Variants in USP37 observed in about 807,000 individuals in gnomAD.
USP37 encodes the protein ubiquitin specific peptidase 37.
A neutral mutation model predicts 124.0 loss-of-function variants in USP37; 27 were observed. The observed-to-expected ratio is 0.22, with a 90% CI of 0.16 to 0.30. USP37 has a LOEUF of 0.30. Ranked by LOEUF, USP37 falls within the 10% of genes least tolerant of loss-of-function variation. The pLI is 1.00. For synonymous variants in USP37, 365 were observed against 388.0 expected (o/e 0.94, Z 0.70); for missense variants, 889 against 1,140.4 (o/e 0.78, Z 3.17).
At chr2:218,519,978 C>T (rs1195169903) in intron 10 of USP37, among the ~76,000 whole-genome samples, 1 of 152,114 alleles carries the variant, frequency 6.6e-6, no homozygotes, top group African/African-American at 2.4e-5. Flanking sequence ...TGCTCTGTCA[C>T]CCATGCTGGA....
intron 9 of USP37, among the ~76,000 whole-genome samples, chr2:218,532,286 T>C: frequency 6.6e-6 from 1 of 151,246 alleles, no homozygotes; most frequent in Non-Finnish European, 1.5e-5. Flanking sequence ...GCCAATATGG[T>C]GAAACCCCAT....
intron 21 of USP37, among the ~76,000 whole-genome samples, chr2:218,465,509 G>A (rs1448625045): frequency 6.6e-6 from 1 of 152,170 alleles, no homozygotes; most frequent in East Asian, 1.9e-4. Context: ...AGCAAGCAAT[G>A]AATTATAGTT....
intron 4 of USP37, among the ~76,000 whole-genome samples, chr2:218,555,826 G>T (rs777802248): frequency 2.0e-5 from 3 of 151,932 alleles, no homozygotes; most frequent in Non-Finnish European, 4.4e-5. Flanking sequence ...CCTCTGCTCC[G>T]TATCATGGAA....
chr2:218,476,682 C>T (rs1014518294), intron 19 of USP37, among the ~76,000 whole-genome samples, 158 bp downstream of exon 19: 2 of 152,170 alleles, frequency 1.3e-5, no homozygotes, highest in African/African-American at 4.8e-5. Context: ...ACGAATTTCT[C>T]GTAAGTCTTG....
At chr2:218,455,179 C>T (rs1200815671) in intron 25 of USP37, among the ~76,000 whole-genome samples, 162 bp from the exon 26 acceptor site, 1 of 152,144 alleles carries the variant, frequency 6.6e-6, no homozygotes, top group Non-Finnish European at 1.5e-5. Context: ...TTGATCTTAA[C>T]CCTTTGAATG....
chr2:218,482,055 C>T lies in USP37; in HGVS notation c.1835+15G>A, dbSNP rs1444712637. 1 of 1,584,296 alleles carries T rather than the reference C, an allele frequency of 6.3e-7. No individual in the cohort carries two copies. Among genetic ancestry groups the T allele is most frequent in the East Asian group, 2.3e-5 (1 of 44,320 alleles). On this transcript the variant is annotated intron_variant, in intron 17 of 25. Transcript: ENST00000258399. The stretch of plus-strand genomic sequence containing the variant: ...TCAAAAGGGAATATAAAGACATAGT[C>T]TCTCAAGGACTTACATTGCCATATG...
In USP37 at chr2:218,452,159, T is replaced by A. The variant is rs991411167; in HGVS notation, c.*2771A>T. On this transcript the variant is annotated 3_prime_UTR_variant, in exon 26 of 26. Coordinates refer to ENST00000258399, the MANE Select transcript of USP37 (RefSeq NM_020935.3). ...TTCCAACAAAGATCAAAAGGTTGTA[T>A]CTAGAACTAATTGCCATCAAGTTCC... The A allele has an allele frequency of 1.3e-5, 2 of 152,318 alleles. No individual in the cohort carries two copies. The highest frequency in any genetic ancestry group is 4.1e-4 in the South Asian group (2 of 4,826). 9.4% of individuals were successfully genotyped at this position (152,318 alleles called of 1,614,324 possible).
At chr2:218,465,089 C>T (rs911352456) in intron 21 of USP37, among the ~76,000 whole-genome samples, 19 of 151,488 alleles carry the variant, frequency 1.3e-4, no homozygotes, top group Non-Finnish European at 1.5e-4. Context: ...AATAAATAAA[C>T]AGGAAGACAG....
rs182568181 is a variant in USP37 at position 218,486,938 on chromosome 2, G to A, written c.1591-1195C>T. 5.8e-3 allele frequency among the ~76,000 whole-genome samples: 889 copies of A among 152,170 alleles called. 8 individuals carry two copies. The highest frequency in any genetic ancestry group is 0.02 in the African/African-American group (830 of 41,522). ...AGACAGGGTTTCACCGTGTTAGCCAGGATGGTCTCGATCTCCTGACCTCGT... is the reference window on the plus strand; with the variant it reads ...AGACAGGGTTTCACCGTGTTAGCCAAGATGGTCTCGATCTCCTGACCTCGT... On this transcript the variant is annotated intron_variant, in intron 15 of 25. Coordinates refer to ENST00000258399, the MANE Select transcript of USP37 (RefSeq NM_020935.3).
intron 11 of USP37, among the ~76,000 whole-genome samples, chr2:218,503,817 G>A (rs1311086312): frequency 6.6e-6 from 1 of 152,070 alleles, no homozygotes; most frequent in African/African-American, 2.4e-5. Context: ...ACAAAGGAAA[G>A]AAAGAAAAGA....
At chr2:218,462,971 A>C (rs1574837793) in intron 22 of USP37, among the ~76,000 whole-genome samples, 2 of 152,064 alleles carry the variant, frequency 1.3e-5, no homozygotes, top group East Asian at 3.9e-4. Flanking sequence ...GTTCAAGACC[A>C]GCCTTGGCCA....
chr2:218,525,223 G>A (rs1331854788), intron 10 of USP37, among the ~76,000 whole-genome samples: 3 of 152,200 alleles, frequency 2.0e-5, no homozygotes, highest in Non-Finnish European at 4.4e-5. Context: ...GCTCGTGCCT[G>A]TAATCCCAGC....
chr2:218,502,857 T>G (rs1416579954), intron 11 of USP37, among the ~76,000 whole-genome samples: 1 of 152,106 alleles, frequency 6.6e-6, no homozygotes, highest in African/African-American at 2.4e-5. Context: ...ATTTTTCAAA[T>G]ATCCAAGCTA....
Position 218,546,266 on chromosome 2 carries a change from C to A in USP37, c.635G>T (p.Gly212Val), listed in dbSNP as rs755026838. The change falls in exon 8 of 26, where the codon GGC becomes GTC. Residue 212 changes from glycine to valine, a missense_variant. Gly to Val is a moderately radical substitution (Grantham distance 109, BLOSUM62 -3). Around this residue, in one of 3 missense-constraint regions of USP37, gnomAD observed 374 missense variants for 386.0 expected, o/e 0.97. Transcript: ENST00000258399. Reference sequence around the variant, plus strand: ...AGGGTAATCTTCATTCAATTCTGAGCCAGTTGATATCATTCTTTTCCTCTT... The same window carrying A: ...AGGGTAATCTTCATTCAATTCTGAGACAGTTGATATCATTCTTTTCCTCTT... ...TEKRKRMIST[G>V]SELNEDYPKE... The A allele has an allele frequency of 3.1e-6, 5 of 1,612,920 alleles. No homozygotes were observed. The African/African-American group carries it at 6.7e-5, about 22-fold the overall frequency.
intron 10 of USP37, among the ~76,000 whole-genome samples, chr2:218,512,156 G>A (rs1471904253): frequency 6.6e-6 from 1 of 151,890 alleles, no homozygotes; most frequent in Non-Finnish European, 1.5e-5. Context: ...AGCTGAAGCA[G>A]GAGGATCAGG....
intron 13 of USP37, 127 bp from the exon 14 acceptor site, chr2:218,496,077 T>A: frequency 1.1e-6 from 1 of 887,598 alleles, no homozygotes. Context: ...GCGGATCACT[T>A]GAGGTCAGGA....
At chr2:218,502,226 C>T (rs1689427510) in intron 11 of USP37, among the ~76,000 whole-genome samples, 2 of 151,916 alleles carry the variant, frequency 1.3e-5, no homozygotes, top group Admixed American at 6.6e-5. Context: ...ATGCTCTACA[C>T]GATCAAGAAT....
intron 11 of USP37, among the ~76,000 whole-genome samples, chr2:218,505,493 A>G (rs1160391055): frequency 1.3e-5 from 2 of 152,218 alleles, no homozygotes; most frequent in Non-Finnish European, 2.9e-5. Flanking sequence ...AAATGTGTGT[A>G]TAGTATTCCA....
chr2:218,541,590 T>C (rs1691976667), intron 8 of USP37, among the ~76,000 whole-genome samples: 2 of 152,064 alleles, frequency 1.3e-5, no homozygotes, highest in African/African-American at 2.4e-5. Flanking sequence ...GAAGTGTTAA[T>C]AGAGGATGCA....
Sources: gnomAD v4.1 joint callset for allele counts (sites outside exome capture counted in the v4.1 genomes callset) on GRCh38, gnomAD v4.1.1 for gene constraint, gnomAD v4.1.1 regional missense constraint, MANE v1.5 for transcripts, NCBI Gene and HGNC (gene_info 2026-07-23, HGNC 2026-07-21) for gene names.